The following ZNF177 variants were observed in gnomAD, a reference collection of about 807,000 sequenced individuals.
ZNF177 encodes the protein zinc finger protein 177.
A neutral mutation model predicts 19.4 loss-of-function variants in ZNF177; 17 were observed. The observed-to-expected ratio is 0.87, with a 90% CI of 0.60 to 1.31. ZNF177 has a LOEUF of 1.31. Among genes scored for constraint, ZNF177 ranks in the 40% most tolerant of loss-of-function variants. ZNF177 has a pLI of 0.00. For missense variants in ZNF177, 633 were observed against 561.8 expected, an observed-to-expected ratio of 1.13 and a Z score of -1.28; for synonymous variants, 220 against 188.7, an observed-to-expected ratio of 1.17 and a Z score of -1.36.
intron 2 of ZNF177, 43 bp downstream of exon 4, chr19:9,378,387 C>G: frequency 6.2e-7 from 1 of 1,612,302 alleles, no homozygotes. Context: ...CACTGCCATT[C>G]CTGAAAAGAA....
exon 6 of ZNF177, chr19:9,381,717 C>T (rs1453242325): frequency 1.9e-6 from 3 of 1,613,964 alleles, no homozygotes; most frequent in East Asian, 2.2e-5. Flanking sequence ...AAGCCTTTAG[C>T]ACAAGCACTA....
exon 3 of ZNF177, chr19:9,379,021 G>A (rs1211703661): frequency 6.2e-7 from 1 of 1,611,314 alleles, no homozygotes; most frequent in East Asian, 2.2e-5. Context: ...GGGCATTGCT[G>A]GACCCTGCTC....
At chr19:9,371,345 T>G (rs2068045066) in intron 2 of ZNF177, among the ~76,000 whole-genome samples, 1 of 152,198 alleles carries the variant, frequency 6.6e-6, no homozygotes, top group Non-Finnish European at 1.5e-5. Flanking sequence ...TTTTCATTTT[T>G]TTAATCCACT....
At chr19:9,377,367 C>T (rs2068124247) in intron 1 of ZNF177, among the ~76,000 whole-genome samples, 1 of 152,074 alleles carries the variant, frequency 6.6e-6, no homozygotes, top group Admixed American at 6.6e-5. Flanking sequence ...ATTCCTTCTA[C>T]TTACTAAAAA....
chr19:9,365,790 C>A lies in ZNF177; in HGVS notation c.-305+842C>A, dbSNP rs146251101. On this transcript the variant is annotated intron_variant, in intron 2 of 8. Transcript: ENST00000343499. ...AGAGAAGGGAGAGATTGAAGTGTGG[C>A]GCCAAGATTGAAATGAGAAAGAGGT... 8.6e-4 allele frequency among the ~76,000 whole-genome samples: 130 copies of A among 152,020 alleles called. 1 individual carries two copies. The South Asian group carries it at 0.026, about 31-fold the overall frequency.
At chr19:9,381,176 T>G (rs774201578) in exon 6 of ZNF177, 5 of 1,614,024 alleles carry the variant, frequency 3.1e-6, no homozygotes, top group South Asian at 2.2e-5. Context: ...TCTGGAGAGA[T>G]GCCCTATGAA....
chr19:9,369,017 G>A (rs1481083484), intron 2 of ZNF177, among the ~76,000 whole-genome samples: 1 of 152,018 alleles, frequency 6.6e-6, no homozygotes, highest in Non-Finnish European at 1.5e-5. Flanking sequence ...AGGGGCCCAT[G>A]AGATGTTTTA....
At chr19:9,371,560 C>A (rs538862167), upstream of ZNF177, 1 of 152,172 alleles carries the variant, frequency 6.6e-6, no homozygotes, top group African/African-American at 2.4e-5. Context: ...CTTCTGACGT[C>A]CATTGTTGCT....
chr19:9,364,652 C>T (rs749322526), intron 1 of ZNF177, among the ~76,000 whole-genome samples: 2 of 151,960 alleles, frequency 1.3e-5, no homozygotes, highest in Non-Finnish European at 2.9e-5. Flanking sequence ...AGACCTTGTG[C>T]GAGGCAAAAC....
intron 3 of ZNF177, 74 bp downstream of exon 5, chr19:9,379,162 G>A (rs1205331303): frequency 6.7e-7 from 1 of 1,500,986 alleles, no homozygotes; most frequent in African/African-American, 1.4e-5. Context: ...TCCAGAATCT[G>A]TGGAAAGAAT....
chr19:9,381,888 C>G (rs2122571493), exon 6 of ZNF177: 2 of 1,466,194 alleles, frequency 1.4e-6, no homozygotes, highest in Non-Finnish European at 1.8e-6. Flanking sequence ...TGGCCCAACT[C>G]TGGATGCCTG....
exon 6 of ZNF177, chr19:9,381,167 C>T (rs762904207): frequency 1.2e-6 from 2 of 1,614,212 alleles, no homozygotes; most frequent in South Asian, 2.2e-5. Context: ...AGAACTCACT[C>T]TGGAGAGATG....
At chr19:9,369,886 TTA>T (rs1349671196) in intron 2 of ZNF177, among the ~76,000 whole-genome samples, 1 of 152,088 alleles carries the variant, frequency 6.6e-6, no homozygotes, top group African/African-American at 2.4e-5. Context: ...CCTTCCCAAT[TTA>T]TATATTATTT....
upstream of ZNF177, among the ~76,000 whole-genome samples, chr19:9,374,941 TTC>T: frequency 6.6e-6 from 1 of 152,312 alleles, no homozygotes; most frequent in Non-Finnish European, 1.5e-5. Flanking sequence ...AGGAAAAGCT[TTC>T]AATTTTTTAT....
In ZNF177 at chr19:9,370,878, G is replaced by A. The variant is rs2068039289; in HGVS notation, c.-304-732G>A. ...GGCTGACTGTATAATGAATTCTCAT[G>A]TCCTTAACACCCAGCTTTGACAGTT... is the stretch of plus-strand genomic sequence containing the variant. On this transcript the variant is annotated intron_variant, in intron 2 of 8. Coordinates refer to the ZNF177 transcript ENST00000343499. Among the ~76,000 whole-genome samples, 4 of 152,276 alleles carry A rather than the reference G, an allele frequency of 2.6e-5. No homozygotes were observed. In the South Asian group the frequency reaches 6.2e-4, roughly 24 times the overall value.
At chr19:9,363,514 C>G (rs570563209) in intron 1 of ZNF177, among the ~76,000 whole-genome samples, 1 of 152,170 alleles carries the variant, frequency 6.6e-6, no homozygotes, top group Non-Finnish European at 1.5e-5. Flanking sequence ...CACCCTAGTG[C>G]CTGATACACA....
chr19:9,371,137 T>C (rs2068042630), intron 2 of ZNF177, among the ~76,000 whole-genome samples: 1 of 152,210 alleles, frequency 6.6e-6, no homozygotes, highest in Non-Finnish European at 1.5e-5. Flanking sequence ...CATCAGTATA[T>C]TACTAACTGT....
At chr19:9,371,993 A>T (rs758708139), upstream of ZNF177, among the ~76,000 whole-genome samples, 22 of 152,306 alleles carry the variant, frequency 1.4e-4, no homozygotes, top group East Asian at 4.0e-3. Flanking sequence ...CCAAAGTGTT[A>T]TGCTTTTTAC....
chr19:9,376,169 CTG>C (rs1293408167), upstream of ZNF177: 2 of 152,176 alleles, frequency 1.3e-5, no homozygotes, highest in African/African-American at 2.4e-5. Flanking sequence ...GATAGGGTCT[CTG>C]TCACCCAGGC....
Sources: gnomAD v4.1 joint callset for allele counts (sites outside exome capture counted in the v4.1 genomes callset) on GRCh38, gnomAD v4.1.1 for gene constraint, MANE v1.5 for transcripts, NCBI Gene and HGNC (gene_info 2026-07-23, HGNC 2026-07-21) for gene names.